The following XRN2 variants were observed in gnomAD, a reference collection of about 807,000 sequenced individuals.
XRN2 encodes the protein DHM1-like protein.
Under a neutral mutation model 138.5 loss-of-function variants are expected in XRN2, and 44 were observed. The ratio of observed to expected loss-of-function variants is 0.32; its 90% CI spans 0.25 to 0.41. XRN2 has a LOEUF of 0.41. Ranked by LOEUF, XRN2 falls within the 10% of genes least tolerant of loss-of-function variation. The probability of loss-of-function intolerance (pLI) is 1.00; values close to 1 mark genes in which losing one functional copy is unlikely to be tolerated. For missense variants in XRN2, 937 were observed against 1,169.3 expected (o/e 0.80, Z 2.90); for synonymous variants, 354 against 369.4 (o/e 0.96, Z 0.48).
chr20:21,365,887 A>G (rs1481203385), intron 26 of XRN2, among the ~76,000 whole-genome samples, 183 bp downstream of exon 26: 1 of 84,584 alleles, frequency 1.2e-5, no homozygotes, highest in Non-Finnish European at 2.5e-5. Flanking sequence ...AATATTATAT[A>G]ATATATAATT....
chr20:21,348,075 TTG>T, intron 17 of XRN2, 69 bp from the exon 18 acceptor site: 2 of 1,185,756 alleles, frequency 1.7e-6, no homozygotes, highest in South Asian at 2.9e-5. Context: ...AGTCTAATTT[TTG>T]TTTTTTTTAA....
At chr20:21,324,429 TC>T (rs1364941050) in intron 1 of XRN2, among the ~76,000 whole-genome samples, 9 of 152,078 alleles carry the variant, frequency 5.9e-5, no homozygotes, top group Non-Finnish European at 1.3e-4. Flanking sequence ...TATGTATTCG[TC>T]CCTGAGCAAT....
rs890086533 is a variant in XRN2 at position 21,389,374 on chromosome 20, C to A, written c.*36C>A. On this transcript the variant is annotated 3_prime_UTR_variant, in exon 30 of 30. Coordinates refer to ENST00000377191, the MANE Select transcript of XRN2 (RefSeq NM_012255.5). Reference sequence around the variant, plus strand: ...AGCTTTCCCAAATCCTTTCATCATTCTACAGTTTTATGCTATTTGTGGAAA... The same window carrying A: ...AGCTTTCCCAAATCCTTTCATCATTATACAGTTTTATGCTATTTGTGGAAA... 2 of 1,584,758 alleles carry A rather than the reference C, an allele frequency of 1.3e-6. No individual in the cohort carries two copies. The highest frequency in any genetic ancestry group is 1.7e-6 in the Non-Finnish European group (2 of 1,161,770).
chr20:21,341,239 C>T (rs749763079), intron 15 of XRN2, among the ~76,000 whole-genome samples: 6 of 152,178 alleles, frequency 3.9e-5, no homozygotes, highest in Non-Finnish European at 7.3e-5. Context: ...AAGGGACATC[C>T]ATATGTCTCA....
At chr20:21,343,058 G>A (rs2038391982) in intron 15 of XRN2, among the ~76,000 whole-genome samples, 1 of 151,978 alleles carries the variant, frequency 6.6e-6, no homozygotes, top group Non-Finnish European at 1.5e-5. Flanking sequence ...TTCTTGACCT[G>A]TGGTATGAAC....
intron 1 of XRN2, among the ~76,000 whole-genome samples, chr20:21,311,247 A>G (rs1374143700): frequency 6.6e-6 from 1 of 152,248 alleles, no homozygotes; most frequent in Non-Finnish European, 1.5e-5. Flanking sequence ...GCTACCTGTT[A>G]AACAGTAACT....
At chr20:21,360,538 A>C (rs2038626329) in intron 24 of XRN2, among the ~76,000 whole-genome samples, 1 of 151,706 alleles carries the variant, frequency 6.6e-6, no homozygotes, top group Admixed American at 6.6e-5. Context: ...TGTTGCAACC[A>C]GTGTTTGCCA....
chr20:21,376,039 C>T lies in XRN2; in HGVS notation c.2585-5955C>T, dbSNP rs548945332. ...GTTTTTAGTAGAGACGGGGTTTCAC[C>T]GCGTTAGCCAGGATGGTCTCGATCT... On this transcript the variant is annotated intron_variant, in intron 27 of 29. Coordinates refer to ENST00000377191, the MANE Select transcript of XRN2 (RefSeq NM_012255.5). 2.0e-4 allele frequency among the ~76,000 whole-genome samples: 31 copies of T among 152,244 alleles called. No individual in the cohort carries two copies. In the East Asian group the frequency reaches 5.8e-3, roughly 29 times the overall value.
chr20:21,348,646 TTTTG>T (rs928797562), intron 19 of XRN2, among the ~76,000 whole-genome samples: 1 of 152,156 alleles, frequency 6.6e-6, no homozygotes, highest in Non-Finnish European at 1.5e-5. Flanking sequence ...TTTTTGATTT[TTTTG>T]TTTGTTTGTT....
chr20:21,382,876 A>T (rs2038900598), intron 28 of XRN2, among the ~76,000 whole-genome samples: 1 of 152,234 alleles, frequency 6.6e-6, no homozygotes, highest in Non-Finnish European at 1.5e-5. Context: ...CAACATCAGT[A>T]AATGCAAAAA....
intron 1 of XRN2, chr20:21,303,759 GC>G: frequency 2.5e-6 from 3 of 1,187,884 alleles, no homozygotes; most frequent in Non-Finnish European, 3.1e-6. Context: ...GCACCGGAAG[GC>G]CCCGCCCACT....
In XRN2 at chr20:21,333,854, A is replaced by G. The variant is rs976656617; in HGVS notation, c.1067+17A>G. On this transcript the variant is annotated intron_variant, in intron 11 of 29. Coordinates refer to ENST00000377191, the MANE Select transcript of XRN2 (RefSeq NM_012255.5). The stretch of plus-strand genomic sequence containing the variant: ...AGAGATTAGGTATGTGCATTTGTGT[A>G]GCTTTTCAAACGACTGTTTTAGGCT... 1 of 1,614,132 alleles carries G rather than the reference A, an allele frequency of 6.2e-7. No individual in the cohort carries two copies. The highest frequency in any genetic ancestry group is 1.7e-5 in the Admixed American group (1 of 60,018).
chr20:21,303,802 G>A, intron 1 of XRN2: 1 of 1,091,244 alleles, frequency 9.2e-7, no homozygotes, highest in Non-Finnish European at 1.1e-6. Flanking sequence ...GCGCATTTTG[G>A]GTCTCGGAAG....
rs182923612 is a variant in XRN2 at position 21,372,827 on chromosome 20, A to G, written c.2584+4237A>G. Among the ~76,000 whole-genome samples the G allele has an allele frequency of 2.7e-3, 412 of 151,414 alleles. 1 individual carries two copies. Among genetic ancestry groups the G allele is most frequent in the Middle Eastern group, 0.01 (3 of 292 alleles). On this transcript the variant is annotated intron_variant, in intron 27 of 29. Transcript: ENST00000377191. ...CCTTTCCAGGCACTACCCCCTGCCCATTAAAGGGAACCAGTATCCTGACTG... is the reference window on the plus strand; with the variant it reads ...CCTTTCCAGGCACTACCCCCTGCCCGTTAAAGGGAACCAGTATCCTGACTG...
intron 1 of XRN2, among the ~76,000 whole-genome samples, chr20:21,311,566 CTTTT>C (rs2037881168): frequency 6.6e-6 from 1 of 152,248 alleles, no homozygotes; most frequent in African/African-American, 2.4e-5. Flanking sequence ...GCTTTCAGTT[CTTTT>C]GAGTATGTAC....
chr20:21,346,327 A>C, intron 16 of XRN2, 88 bp from the exon 17 acceptor site: 2 of 1,510,304 alleles, frequency 1.3e-6, no homozygotes, highest in Non-Finnish European at 1.8e-6. Flanking sequence ...TGGGTATTAA[A>C]TATAAATTGA....
At chr20:21,305,292 A>G (rs376502779) in intron 1 of XRN2, among the ~76,000 whole-genome samples, 4 of 152,122 alleles carry the variant, frequency 2.6e-5, no homozygotes, top group Admixed American at 6.5e-5. Flanking sequence ...GAGTCTCGCT[A>G]TGTCTCTTAG....
At chr20:21,303,761 C>A in intron 1 of XRN2, 1 of 1,184,878 alleles carries the variant, frequency 8.4e-7, no homozygotes, top group Non-Finnish European at 1.0e-6. Flanking sequence ...ACCGGAAGGC[C>A]CCGCCCACTG....
At chr20:21,360,314 C>T (rs1302760521) in intron 24 of XRN2, among the ~76,000 whole-genome samples, 2 of 152,206 alleles carry the variant, frequency 1.3e-5, no homozygotes, top group Non-Finnish European at 2.9e-5. Flanking sequence ...TGACCTCCGC[C>T]TCTTCCTCCT....
Sources: allele counts gnomAD v4.1 joint callset (sites outside exome capture counted in the v4.1 genomes callset), GRCh38; gene constraint gnomAD v4.1.1; transcripts MANE v1.5; gene names NCBI Gene and HGNC (gene_info 2026-07-23, HGNC 2026-07-21).